MGAT5: variants seen among roughly 807,000 people sequenced by gnomAD.
MGAT5 encodes alpha-1,6-mannosylglycoprotein 6-beta-N-acetylglucosaminyltransferase.
A neutral mutation model predicts 94.3 loss-of-function variants in MGAT5; 30 were observed. The observed-to-expected ratio is 0.32, with a 90% CI of 0.24 to 0.43. The LOEUF (loss-of-function observed/expected upper bound fraction) is 0.43, where lower values mean the gene tolerates loss of function less well. Among genes scored for constraint, MGAT5 ranks in the 20% least tolerant of loss-of-function variants. The pLI, the probability that MGAT5 is intolerant of heterozygous loss-of-function variation, is 1.00. For missense variants in MGAT5, 691 were observed against 905.5 expected, an observed-to-expected ratio of 0.76 and a Z score of 3.04; for synonymous variants, 310 against 322.9, an observed-to-expected ratio of 0.96 and a Z score of 0.43.
intron 2 of MGAT5, among the ~76,000 whole-genome samples, chr2:134,282,201 C>T (rs1684738636): frequency 6.6e-6 from 1 of 152,232 alleles, no homozygotes; most frequent in Non-Finnish European, 1.5e-5. Context: ...TAGCCTGTGT[C>T]TATGCCACAT....
chr2:134,152,787 T>C (rs1349496925), intron 1 of MGAT5, among the ~76,000 whole-genome samples: 2 of 152,074 alleles, frequency 1.3e-5, no homozygotes, highest in Non-Finnish European at 2.9e-5. Flanking sequence ...ATATCAGCAG[T>C]GCATTAATGA....
chr2:134,371,931 G>GT (rs1177542444), intron 10 of MGAT5, among the ~76,000 whole-genome samples: 1 of 126,930 alleles, frequency 7.9e-6, no homozygotes, highest in Non-Finnish European at 1.6e-5. Flanking sequence ...TGTGTTTGTT[G>GT]TTTTGTTTTG....
intron 1 of MGAT5, among the ~76,000 whole-genome samples, chr2:134,237,123 A>ATGTGTATGTGTGTGTGTGTGTGTGTG (rs367744090): frequency 7.1e-6 from 1 of 140,626 alleles, no homozygotes; most frequent in African/African-American, 2.6e-5. Flanking sequence ...GAAGGAGTAT[A>ATGTGTATGTGTGTGTGTGTGTGTGTG]TGTGTGTGTG....
intron 1 of MGAT5, among the ~76,000 whole-genome samples, chr2:134,244,447 C>G (rs1682129540): frequency 2.6e-5 from 4 of 152,120 alleles, no homozygotes; most frequent in Admixed American, 2.6e-4. Flanking sequence ...AAATTGGGCA[C>G]AGCTAGCCTA....
intron 4 of MGAT5, among the ~76,000 whole-genome samples, chr2:134,325,907 G>A (rs534002993): frequency 9.9e-5 from 15 of 152,096 alleles, no homozygotes; most frequent in East Asian, 7.8e-4. Context: ...TTGCCCCCTT[G>A]TATTTCCAGT....
intron 1 of MGAT5, among the ~76,000 whole-genome samples, chr2:134,199,879 C>G (rs970306872): frequency 2.0e-5 from 3 of 152,050 alleles, no homozygotes; most frequent in Non-Finnish European, 4.4e-5. Context: ...GATTGGTGCT[C>G]TGTATGTGGA....
Position 134,139,036 on chromosome 2 carries a change from G to GA in MGAT5, c.-143+18747dup, listed in dbSNP as rs751000769. ...TAAGGCACAGATGGAAGAACCTTCTGAAGATGAGTTCTGCTCTAAGAATAC... is the reference window on the plus strand; with the variant it reads ...TAAGGCACAGATGGAAGAACCTTCTGAAAGATGAGTTCTGCTCTAAGAATAC... On this transcript the variant is annotated intron_variant, in intron 1 of 16. Coordinates refer to the MGAT5 transcript ENST00000409645. 1.2e-3 allele frequency among the ~76,000 whole-genome samples: 176 copies of GA among 152,342 alleles called. 2 individuals carry two copies. The highest frequency in any genetic ancestry group is 1.9e-3 in the Non-Finnish European group (127 of 68,032).
At chr2:134,428,193 G>A (rs1042223429) in intron 13 of MGAT5, among the ~76,000 whole-genome samples, 172 bp from the exon 14 acceptor site, 5 of 152,328 alleles carry the variant, frequency 3.3e-5, no homozygotes, top group Admixed American at 3.3e-4. Flanking sequence ...TTTGCTCAGA[G>A]TCCCACACCT....
At chr2:134,305,404 G>A (rs769572632) in intron 2 of MGAT5, among the ~76,000 whole-genome samples, 2 of 152,276 alleles carry the variant, frequency 1.3e-5, no homozygotes, top group Non-Finnish European at 1.5e-5. Context: ...TGGGCATTGT[G>A]TGATATGAAG....
chr2:134,277,921 C>T (rs900707122), intron 2 of MGAT5, among the ~76,000 whole-genome samples: 4 of 152,090 alleles, frequency 2.6e-5, no homozygotes, highest in African/African-American at 7.2e-5. Flanking sequence ...TAGCTCATCA[C>T]GAAATTCATG....
intron 1 of MGAT5, among the ~76,000 whole-genome samples, chr2:134,196,417 C>G (rs1040713343): frequency 7.0e-6 from 1 of 143,298 alleles, no homozygotes; most frequent in Non-Finnish European, 1.5e-5. Flanking sequence ...AAAAAAAAAA[C>G]TATGGATCCA....
chr2:134,132,509 CG>C (rs1412405379), intron 1 of MGAT5, among the ~76,000 whole-genome samples: 4 of 152,208 alleles, frequency 2.6e-5, no homozygotes, highest in Non-Finnish European at 5.9e-5. Flanking sequence ...AGAGGTCAGG[CG>C]GCACGTGACT....
chr2:134,126,819 A>G (rs373397013), intron 1 of MGAT5, among the ~76,000 whole-genome samples: 16 of 151,978 alleles, frequency 1.1e-4, no homozygotes, highest in African/African-American at 3.6e-4. Context: ...AATTCTGTCT[A>G]CACATTCAGT....
intron 9 of MGAT5, among the ~76,000 whole-genome samples, chr2:134,357,372 G>A (rs768096716): frequency 1.3e-5 from 2 of 152,118 alleles, no homozygotes; most frequent in Non-Finnish European, 2.9e-5. Flanking sequence ...AGGATTTGGG[G>A]CTCACAGCCA....
At chr2:134,426,429 ACTTT>A (rs1297288329) in intron 13 of MGAT5, among the ~76,000 whole-genome samples, 2 of 152,090 alleles carry the variant, frequency 1.3e-5, no homozygotes, top group African/African-American at 4.8e-5. Context: ...CTTTGAATTA[ACTTT>A]CTTTCATTTT....
intron 10 of MGAT5, among the ~76,000 whole-genome samples, chr2:134,371,988 G>A (rs1680837057): frequency 6.6e-6 from 1 of 151,804 alleles, no homozygotes; most frequent in Non-Finnish European, 1.5e-5. Flanking sequence ...GTGCCAGCTG[G>A]GAACTTGTTC....
chr2:134,192,324 T>C (rs1390231390), intron 1 of MGAT5, among the ~76,000 whole-genome samples: 3 of 152,178 alleles, frequency 2.0e-5, no homozygotes, highest in African/African-American at 7.2e-5. Flanking sequence ...TTGGCAAGAA[T>C]GCCCTCAAAT....
intron 1 of MGAT5, among the ~76,000 whole-genome samples, chr2:134,267,415 C>T (rs78529833): frequency 0.032 from 4,938 of 152,334 alleles, 231 homozygotes; most frequent in African/African-American, 0.1. Context: ...GTGCTCAGCA[C>T]ACTGCCTGGC....
chr2:134,259,318 A>T (rs900183895), intron 1 of MGAT5, among the ~76,000 whole-genome samples: 2 of 152,204 alleles, frequency 1.3e-5, no homozygotes, highest in East Asian at 3.9e-4. Flanking sequence ...GGTGCCACTC[A>T]CCCGAGTCAA....
Sources: gnomAD v4.1 joint callset for allele counts (sites outside exome capture counted in the v4.1 genomes callset) on GRCh38, gnomAD v4.1.1 for gene constraint, MANE v1.5 for transcripts, NCBI Gene and HGNC (gene_info 2026-07-23, HGNC 2026-07-21) for gene names.